The following FHOD3 variants were observed in gnomAD, a reference collection of about 807,000 sequenced individuals.
The protein encoded by FHOD3 is formin homology 2 domain containing 3.
Under a neutral mutation model 173.0 loss-of-function variants are expected in FHOD3, and 90 were observed. That is an observed-to-expected ratio of 0.52 (90% CI 0.44 to 0.62). FHOD3 has a LOEUF of 0.62. Ranked by LOEUF, FHOD3 falls within the 20% of genes least tolerant of loss-of-function variation. The pLI is 0.00. For missense variants in FHOD3, 1,945 were observed against 2,034.7 expected (o/e 0.96, Z 0.85); for synonymous variants, 828 against 823.0 (o/e 1.01, Z -0.10).
chr18:36,574,982 C>G (rs1256711058), intron 5 of FHOD3, among the ~76,000 whole-genome samples: 1 of 118,036 alleles, frequency 8.5e-6, no homozygotes, highest in Admixed American at 8.4e-5. Context: ...TTTTTTTTTT[C>G]TTTGTTCAGA....
At chr18:36,403,206 G>T (rs1014234522) in intron 3 of FHOD3, among the ~76,000 whole-genome samples, 3 of 152,192 alleles carry the variant, frequency 2.0e-5, no homozygotes, top group Non-Finnish European at 4.4e-5. Flanking sequence ...CCCCTAGGGG[G>T]CTGGCCTAGG....
rs75922743 is a variant in FHOD3, at chr18:36,611,388, C to T, written c.814-564C>T. On this transcript the variant is annotated intron_variant, in intron 8 of 28. Transcript: ENST00000590592. ...GCCCAGGGTCTCACAAGGCTGCAGC[C>T]GAGGTGTCGCCCAGGACTGAAGTCT... Among the ~76,000 whole-genome samples, 1,187 of 152,264 alleles carry T rather than the reference C, an allele frequency of 7.8e-3. 20 individuals are homozygous for T. Among genetic ancestry groups the T allele is most frequent in the African/African-American group, 0.027 (1,125 of 41,542 alleles).
intron 1 of FHOD3, among the ~76,000 whole-genome samples, chr18:36,332,987 C>T (rs2045103338): frequency 6.6e-6 from 1 of 152,232 alleles, no homozygotes; most frequent in Non-Finnish European, 1.5e-5. Context: ...CTTCTGTTTA[C>T]TTGTGTGCCT....
chr18:36,590,856 A>T (rs952013583), intron 6 of FHOD3, among the ~76,000 whole-genome samples: 1 of 152,144 alleles, frequency 6.6e-6, no homozygotes, highest in African/African-American at 2.4e-5. Context: ...TGGCTTAGGG[A>T]TTCTGGGTGC....
intron 10 of FHOD3, among the ~76,000 whole-genome samples, chr18:36,627,666 A>T (rs1410477371): frequency 1.3e-5 from 2 of 152,212 alleles, no homozygotes; most frequent in African/African-American, 2.4e-5. Context: ...TAGATTGATG[A>T]TTATGAAGTG....
intron 1 of FHOD3, among the ~76,000 whole-genome samples, chr18:36,316,340 T>G (rs1459065225): frequency 6.6e-6 from 1 of 152,146 alleles, no homozygotes; most frequent in Non-Finnish European, 1.5e-5. Flanking sequence ...TTCTGCCTCC[T>G]GGGGTGTGTA....
At chr18:36,421,637 AG>A (rs2049990999) in intron 3 of FHOD3, among the ~76,000 whole-genome samples, 1 of 152,258 alleles carries the variant, frequency 6.6e-6, no homozygotes, top group Non-Finnish European at 1.5e-5. Context: ...CTCTGGGTCC[AG>A]GGGTGTTGCT....
At chr18:36,310,039 G>T (rs979888170) in intron 1 of FHOD3, among the ~76,000 whole-genome samples, 5 of 152,194 alleles carry the variant, frequency 3.3e-5, no homozygotes, top group African/African-American at 1.2e-4. Flanking sequence ...GGCTTCTGTT[G>T]TTCCGCCTGG....
At chr18:36,656,931 A>G (rs971865128) in intron 13 of FHOD3, among the ~76,000 whole-genome samples, 1 of 152,368 alleles carries the variant, frequency 6.6e-6, no homozygotes, top group African/African-American at 2.4e-5. Flanking sequence ...AAAAAGAAAA[A>G]AGATAAATAA....
At chr18:36,471,114 C>T (rs997000415) in intron 3 of FHOD3, among the ~76,000 whole-genome samples, 1 of 152,146 alleles carries the variant, frequency 6.6e-6, no homozygotes, top group East Asian at 1.9e-4. Flanking sequence ...CAAAAGGCAG[C>T]GGGTATGCGC....
At chr18:36,563,141 A>G (rs1232969705) in intron 5 of FHOD3, among the ~76,000 whole-genome samples, 1 of 152,220 alleles carries the variant, frequency 6.6e-6, no homozygotes, top group Non-Finnish European at 1.5e-5. Context: ...TTAAAATTCT[A>G]AAAGTGTTGA....
At chr18:36,565,292 C>T (rs2058224651) in intron 5 of FHOD3, among the ~76,000 whole-genome samples, 1 of 151,998 alleles carries the variant, frequency 6.6e-6, no homozygotes, top group Admixed American at 6.5e-5. Context: ...AATTGAAATC[C>T]CTTCTTTAAG....
chr18:36,444,876 A>G lies in FHOD3; in HGVS notation c.338-57056A>G, dbSNP rs372785746. On this transcript the variant is annotated intron_variant, in intron 3 of 28. Transcript: ENST00000590592. ...GACATGTAGGCTTTTAATATTTTGCAATTACAAACAATGCTGCAAAATGAA... is the reference window on the plus strand; with the variant it reads ...GACATGTAGGCTTTTAATATTTTGCGATTACAAACAATGCTGCAAAATGAA... Among the ~76,000 whole-genome samples the G allele has an allele frequency of 7.2e-5, 11 of 152,308 alleles. 1 individual carries two copies. The highest frequency in any genetic ancestry group is 3.3e-4 in the Admixed American group (5 of 15,286).
At chr18:36,622,033 A>C (rs867256940) in intron 9 of FHOD3, among the ~76,000 whole-genome samples, 4 of 152,222 alleles carry the variant, frequency 2.6e-5, no homozygotes, top group Non-Finnish European at 5.9e-5. Flanking sequence ...GACATTTCCT[A>C]CAACTTGGAT....
At chr18:36,451,747 G>A (rs529522059) in intron 3 of FHOD3, among the ~76,000 whole-genome samples, 1 of 152,332 alleles carries the variant, frequency 6.6e-6, no homozygotes, top group African/African-American at 2.4e-5. Context: ...AGGTGGGAGG[G>A]AGGGAAGCAG....
chr18:36,420,619 T>C (rs1414079198), intron 3 of FHOD3, among the ~76,000 whole-genome samples: 1 of 152,224 alleles, frequency 6.6e-6, no homozygotes, highest in East Asian at 1.9e-4. Context: ...GGGTAGAAAT[T>C]TGATGTTAAG....
intron 28 of FHOD3, among the ~76,000 whole-genome samples, chr18:36,769,755 G>A (rs1005275536): frequency 1.3e-5 from 2 of 152,056 alleles, no homozygotes; most frequent in Non-Finnish European, 2.9e-5. Flanking sequence ...GGAGCCCATC[G>A]TCAAGTCCAG....
chr18:36,652,969 GGGGAGGAGAACACA>G, intron 12 of FHOD3, 40 bp downstream of exon 12: 5 of 1,501,396 alleles, frequency 3.3e-6, no homozygotes, highest in Non-Finnish European at 4.4e-6. Context: ...AGATTAACTC[GGGGAGGAGAACACA>G]GTGTGTTAAC....
chr18:36,525,376 T>G (rs2097997040), intron 5 of FHOD3, among the ~76,000 whole-genome samples: 1 of 152,126 alleles, frequency 6.6e-6, no homozygotes, highest in Admixed American at 6.5e-5. Flanking sequence ...CACATGAGCT[T>G]GGAAGAGGAC....
Sources: allele counts gnomAD v4.1 joint callset (sites outside exome capture counted in the v4.1 genomes callset), GRCh38; gene constraint gnomAD v4.1.1; transcripts MANE v1.5; gene names NCBI Gene and HGNC (gene_info 2026-07-23, HGNC 2026-07-21).